NCS1: variants seen among roughly 807,000 people sequenced by gnomAD.
NCS1 encodes frequenin homolog.
NCS1 carries 6 observed loss-of-function variants against 28.4 expected under a neutral mutation model. The ratio of observed to expected loss-of-function variants is 0.21; its 90% confidence interval spans 0.12 to 0.42. NCS1 has a LOEUF of 0.42. Among genes scored for constraint, NCS1 ranks in the 10% least tolerant of loss-of-function variants. NCS1 has a pLI of 1.00. For missense variants in NCS1, 131 were observed against 241.4 expected, an observed-to-expected ratio of 0.54 and a Z score of 3.03; for synonymous variants, 86 against 99.3, an observed-to-expected ratio of 0.87 and a Z score of 0.79.
At chr9:130,188,837 C>T (rs1832776030) in intron 1 of NCS1, among the ~76,000 whole-genome samples, 1 of 152,180 alleles carries the variant, frequency 6.6e-6, no homozygotes, top group African/African-American at 2.4e-5. Flanking sequence ...CTGTTTCAGC[C>T]TCCCGAGTAA....
Position 130,215,172 on chromosome 9 carries a change from C to A in NCS1, c.90-2660C>A, listed in dbSNP as rs372900451. Among the ~76,000 whole-genome samples, 2 of 152,346 alleles carry A rather than the reference C, an allele frequency of 1.3e-5. No homozygotes were observed. Among genetic ancestry groups the A allele is most frequent in the South Asian group, 2.1e-4 (1 of 4,832 alleles). On this transcript the variant is annotated intron_variant, in intron 2 of 7. Coordinates refer to ENST00000372398, the MANE Select transcript of NCS1 (RefSeq NM_014286.4). The surrounding 1 kb of genome is among the most constrained non-coding windows in gnomAD (Gnocchi z 4.2). ...GTCTGGTGACAGTTGGGTGTGCCCC[C>A]ACATGGGTCATTAAGTCCTGGTGCC...
intron 4 of NCS1, among the ~76,000 whole-genome samples, chr9:130,222,179 G>A (rs1564714108): frequency 2.0e-5 from 3 of 147,540 alleles, no homozygotes; most frequent in Non-Finnish European, 4.4e-5. Flanking sequence ...GAGAGGGAGA[G>A]AGACTTGCTC....
intron 1 of NCS1, among the ~76,000 whole-genome samples, chr9:130,190,029 T>C (rs1832796626): frequency 1.5e-5 from 1 of 66,834 alleles, no homozygotes; most frequent in Non-Finnish European, 3.1e-5. Context: ...TGTATGTTTA[T>C]GCAAGAGAGA....
At chr9:130,217,069 C>T (rs533022881) in intron 2 of NCS1, among the ~76,000 whole-genome samples, 1 of 152,320 alleles carries the variant, frequency 6.6e-6, no homozygotes, top group East Asian at 1.9e-4. Flanking sequence ...CTGATACCAA[C>T]AAGAGGGGTA....
intron 1 of NCS1, among the ~76,000 whole-genome samples, chr9:130,178,346 C>T (rs1352656117): frequency 2.0e-5 from 3 of 152,218 alleles, no homozygotes; most frequent in African/African-American, 7.2e-5. Flanking sequence ...TCTTTTTGCC[C>T]TTTCTGCCTC....
At chr9:130,197,586 C>T (rs1407144944) in intron 1 of NCS1, among the ~76,000 whole-genome samples, 2 of 152,186 alleles carry the variant, frequency 1.3e-5, no homozygotes, top group Non-Finnish European at 2.9e-5. Flanking sequence ...CAGCCTGACC[C>T]GTGCCAGAGC....
chr9:130,231,314 C>T (rs879946034), intron 7 of NCS1, among the ~76,000 whole-genome samples: 7 of 151,506 alleles, frequency 4.6e-5, no homozygotes, highest in Admixed American at 1.3e-4. Flanking sequence ...ATTGCACCAC[C>T]GCACTCCAGC....
rs1833557611 is a variant in NCS1, at chr9:130,234,853, T to C, written c.*1881T>C. 6.6e-6 allele frequency: 1 copy of C among 152,210 alleles called. No individual in the cohort carries two copies. The highest frequency in any genetic ancestry group is 2.4e-5 in the African/African-American group (1 of 41,412). 9.4% of individuals were successfully genotyped at this position (152,210 alleles called of 1,614,324 possible). A position where few individuals can be genotyped will look rare whatever the true frequency, so the allele number is the denominator to read the frequency against. On this transcript the variant is annotated 3_prime_UTR_variant, in exon 8 of 8. Coordinates refer to ENST00000372398, the MANE Select transcript of NCS1 (RefSeq NM_014286.4). This position sits in a 1 kb window ranked among gnomAD's most constrained non-coding sequence, Gnocchi z 6.1. ...TGAGGTGAGAAGCCGCTTCCCAGAC[T>C]GTCAGGGCCAGGCCTGGGTCTAGAA... is the stretch of plus-strand genomic sequence containing the variant.
intron 7 of NCS1, among the ~76,000 whole-genome samples, chr9:130,228,308 T>C (rs1833446261): frequency 6.6e-6 from 1 of 151,688 alleles, no homozygotes; most frequent in South Asian, 2.1e-4. Context: ...GCTTTCCAAG[T>C]AGCTGGGACT....
chr9:130,225,060 T>C (rs1342890596), intron 6 of NCS1, among the ~76,000 whole-genome samples: 1 of 151,978 alleles, frequency 6.6e-6, no homozygotes, highest in Non-Finnish European at 1.5e-5. Flanking sequence ...GGTGTGGTGG[T>C]GTGCACCTGT....
chr9:130,173,261 C>G (rs1832516045), intron 1 of NCS1, among the ~76,000 whole-genome samples: 1 of 151,756 alleles, frequency 6.6e-6, no homozygotes, highest in African/African-American at 2.4e-5. Flanking sequence ...GTGAAGGGTC[C>G]CCGGCACCCT....
intron 1 of NCS1, among the ~76,000 whole-genome samples, chr9:130,199,897 G>A (rs201148406): frequency 6.6e-6 from 1 of 150,506 alleles, no homozygotes; most frequent in Non-Finnish European, 1.5e-5. Context: ...CTGTTCATGT[G>A]TTCATTCATT....
At chr9:130,195,968 G>A (rs575739762) in intron 1 of NCS1, among the ~76,000 whole-genome samples, 2 of 152,298 alleles carry the variant, frequency 1.3e-5, no homozygotes, top group South Asian at 2.1e-4. Context: ...AGGCAGAGGC[G>A]GAGGCCCTGT....
Position 130,232,600 on chromosome 9 carries a change from G to A in NCS1, c.*18-390G>A, listed in dbSNP as rs776878815. Among the ~76,000 whole-genome samples, 6 of 152,228 alleles carry A rather than the reference G, an allele frequency of 3.9e-5. No homozygotes were observed. Among genetic ancestry groups the A allele is most frequent in the South Asian group, 4.1e-4 (2 of 4,830 alleles). ...GTTCGAGACCAGCCTGGCCAAGATG[G>A]TGAAACCCTGTCTCTACTAAAAAAT... is the stretch of plus-strand genomic sequence containing the variant. On this transcript the variant is annotated intron_variant, in intron 7 of 7. Transcript: ENST00000372398. The surrounding 1 kb of genome is among the most constrained non-coding windows in gnomAD (Gnocchi z 4.4).
intron 2 of NCS1, among the ~76,000 whole-genome samples, chr9:130,214,929 C>T (rs1554909173): frequency 6.6e-6 from 1 of 152,242 alleles, no homozygotes; most frequent in Non-Finnish European, 1.5e-5. Flanking sequence ...ACCTTCACTG[C>T]CAGCCTTTCA....
At chr9:130,176,204 TTTTTTGG>T (rs1832569077) in intron 1 of NCS1, among the ~76,000 whole-genome samples, 1 of 137,604 alleles carries the variant, frequency 7.3e-6, no homozygotes, top group East Asian at 2.3e-4. Flanking sequence ...CTTTTTTTTT[TTTTTTGG>T]AGACAGGGTC....
At chr9:130,190,767 C>T (rs1440306128) in intron 1 of NCS1, among the ~76,000 whole-genome samples, 19 of 152,282 alleles carry the variant, frequency 1.2e-4, no homozygotes, top group African/African-American at 4.3e-4. Context: ...GCCTCCATCT[C>T]CACTCCTCCA....
chr9:130,183,937 G>A (rs1832706207), intron 1 of NCS1, among the ~76,000 whole-genome samples: 2 of 151,718 alleles, frequency 1.3e-5, no homozygotes, highest in African/African-American at 2.4e-5. Context: ...AGCCTCCCGA[G>A]TAGCTGGGAC....
intron 2 of NCS1, among the ~76,000 whole-genome samples, chr9:130,203,098 A>G (rs983687542): frequency 1.0e-4 from 15 of 144,068 alleles, no homozygotes; most frequent in Admixed American, 1.4e-4. Context: ...ATACATATAT[A>G]TGTGTGTGTG....
Sources: allele counts gnomAD v4.1 joint callset (sites outside exome capture counted in the v4.1 genomes callset), GRCh38; gene constraint gnomAD v4.1.1; non-coding constraint Gnocchi (gnomAD v3.1); transcripts MANE v1.5; gene names NCBI Gene and HGNC (gene_info 2026-07-23, HGNC 2026-07-21).